IQCM: variants seen among roughly 807,000 people sequenced by gnomAD.
IQCM encodes IQ motif containing M, also known as IQ domain-containing protein M.
A neutral mutation model predicts 57.6 loss-of-function variants in IQCM; 45 were observed. That is an observed-to-expected ratio of 0.78 (90% CI 0.62 to 1.00). IQCM has a LOEUF of 1.00. IQCM is among the 50% of genes least tolerant of loss of function. The pLI is 0.00. For missense variants in IQCM, 468 were observed against 511.6 expected, an observed-to-expected ratio of 0.91 and a Z score of 0.82; for synonymous variants, 148 against 158.9, an observed-to-expected ratio of 0.93 and a Z score of 0.51.
At chr4:149,576,970 G>A (rs1751719708) in intron 9 of IQCM, among the ~76,000 whole-genome samples, 1 of 151,884 alleles carries the variant, frequency 6.6e-6, no homozygotes, top group African/African-American at 2.4e-5. Context: ...AGTTTGGTTT[G>A]CATTTCTCCA....
At chr4:149,718,061 CT>C (rs1349452377) in intron 5 of IQCM, among the ~76,000 whole-genome samples, 2 of 152,158 alleles carry the variant, frequency 1.3e-5, no homozygotes, top group African/African-American at 4.8e-5. Context: ...AGGTTCATGG[CT>C]TTGGTGAGAG....
intron 13 of IQCM, among the ~76,000 whole-genome samples, chr4:149,353,287 T>C (rs1268151317): frequency 6.6e-6 from 1 of 152,124 alleles, no homozygotes; most frequent in Non-Finnish European, 1.5e-5. Flanking sequence ...AGATAACAAA[T>C]GTTAGCAAGA....
intron 12 of IQCM, among the ~76,000 whole-genome samples, chr4:149,450,803 G>A (rs1183028383): frequency 6.6e-6 from 1 of 151,702 alleles, no homozygotes; most frequent in Non-Finnish European, 1.5e-5. Flanking sequence ...CAAAGTAGAA[G>A]TTCCTCAAAA....
intron 9 of IQCM, among the ~76,000 whole-genome samples, chr4:149,575,873 T>C (rs1363305148): frequency 2.6e-5 from 4 of 151,716 alleles, no homozygotes; most frequent in African/African-American, 9.6e-5. Flanking sequence ...GCGCATGATA[T>C]CATGTCTAAG....
chr4:149,602,023 C>T (rs1425627850), intron 8 of IQCM, among the ~76,000 whole-genome samples: 6 of 133,104 alleles, frequency 4.5e-5, no homozygotes, highest in Non-Finnish European at 7.8e-5. Context: ...CACTGCGCTC[C>T]AGCCTGGGCG....
intron 12 of IQCM, among the ~76,000 whole-genome samples, chr4:149,541,734 A>T (rs925682392): frequency 2.6e-5 from 4 of 152,078 alleles, no homozygotes; most frequent in Admixed American, 2.6e-4. Context: ...TCAGTCACAA[A>T]TTTTTTTGTT....
intron 2 of IQCM, among the ~76,000 whole-genome samples, chr4:149,777,785 C>T (rs1014313033): frequency 1.3e-5 from 2 of 152,118 alleles, no homozygotes; most frequent in Non-Finnish European, 2.9e-5. Flanking sequence ...AAAGAGGAGG[C>T]GGCACGCTAG....
At chr4:149,643,124 T>C (rs1255462251) in intron 7 of IQCM, among the ~76,000 whole-genome samples, 1 of 152,122 alleles carries the variant, frequency 6.6e-6, no homozygotes, top group Non-Finnish European at 1.5e-5. Context: ...AACAACAACA[T>C]AGCATGGTTT....
intron 2 of IQCM, among the ~76,000 whole-genome samples, chr4:149,803,804 C>A (rs544545076): frequency 1.3e-5 from 2 of 151,962 alleles, no homozygotes; most frequent in South Asian, 4.2e-4. Flanking sequence ...CAGACTATTT[C>A]TTAAATAGGG....
intron 13 of IQCM, among the ~76,000 whole-genome samples, chr4:149,373,801 T>C (rs2359331): frequency 0.48 from 72,631 of 151,832 alleles, 17,655 homozygotes; most frequent in Middle Eastern, 0.54. Context: ...TCTAGAACAC[T>C]GAGAAATTTT....
At position 149,506,166 on chromosome 4, in the gene IQCM, C is replaced by T. The variant is rs185278364; in HGVS notation, c.1228+42289G>A. 4.0e-4 allele frequency among the ~76,000 whole-genome samples: 61 copies of T among 152,210 alleles called. No homozygotes were observed. In the East Asian group the frequency reaches 6.2e-3, roughly 15 times the overall value. On this transcript the variant is annotated intron_variant, in intron 12 of 13. Transcript: ENST00000636793. ...TCAAGCCAAGAGCAGGAGTGGAGAA[C>T]GAGGAAGATGGCCATAAAGTCCTTG...
At chr4:149,558,046 T>C (rs1749756897) in intron 10 of IQCM, among the ~76,000 whole-genome samples, 2 of 152,348 alleles carry the variant, frequency 1.3e-5, no homozygotes, top group South Asian at 4.1e-4. Flanking sequence ...TTGTACTGCC[T>C]TTCAAGTTCC....
intron 2 of IQCM, among the ~76,000 whole-genome samples, chr4:149,749,929 G>A (rs1301192522): frequency 6.6e-6 from 1 of 152,006 alleles, no homozygotes; most frequent in Non-Finnish European, 1.5e-5. Flanking sequence ...TCTTCCATAA[G>A]CCTGAGCACA....
intron 12 of IQCM, among the ~76,000 whole-genome samples, chr4:149,445,664 G>C (rs1736426481): frequency 6.6e-6 from 1 of 151,644 alleles, no homozygotes; most frequent in African/African-American, 2.4e-5. Flanking sequence ...CATGACTTCA[G>C]CCTTTTTATC....
At chr4:149,779,144 T>C (rs1344315306) in intron 2 of IQCM, among the ~76,000 whole-genome samples, 2 of 152,170 alleles carry the variant, frequency 1.3e-5, no homozygotes, top group African/African-American at 2.4e-5. Flanking sequence ...AAGTAGAGTT[T>C]ATTCCAGTGA....
intron 2 of IQCM, among the ~76,000 whole-genome samples, chr4:149,792,363 GC>G (rs998827694): frequency 1.2e-4 from 18 of 151,970 alleles, no homozygotes; most frequent in Non-Finnish European, 1.3e-4. Flanking sequence ...AATATAACCA[GC>G]CTGGGCAACA....
chr4:149,546,670 T>C (rs1328397752), intron 12 of IQCM, among the ~76,000 whole-genome samples: 1 of 152,214 alleles, frequency 6.6e-6, no homozygotes, highest in Non-Finnish European at 1.5e-5. Flanking sequence ...TGGGGTTGTT[T>C]GTTTTTTTCT....
intron 5 of IQCM, among the ~76,000 whole-genome samples, chr4:149,708,860 T>C (rs939483362): frequency 1.3e-5 from 2 of 152,086 alleles, no homozygotes; most frequent in African/African-American, 4.8e-5. Flanking sequence ...ACTCTTTTTA[T>C]TGTTTATCTA....
intron 7 of IQCM, among the ~76,000 whole-genome samples, chr4:149,650,548 C>T (rs1759078854): frequency 6.6e-6 from 1 of 151,910 alleles, no homozygotes; most frequent in South Asian, 2.1e-4. Context: ...ACCTGCCATG[C>T]CTGGCTAATT....
Sources: gnomAD v4.1 joint callset for allele counts (sites outside exome capture counted in the v4.1 genomes callset) on GRCh38, gnomAD v4.1.1 for gene constraint, MANE v1.5 for transcripts, NCBI Gene and HGNC (gene_info 2026-07-23, HGNC 2026-07-21) for gene names.